RASSF6: variants seen among roughly 807,000 people sequenced by gnomAD.
RASSF6 encodes ras association domain-containing protein 6.
RASSF6 carries 52 observed loss-of-function variants against 44.0 expected under a neutral mutation model. That is an observed-to-expected ratio of 1.18 (90% CI 0.95 to 1.49). The LOEUF (loss-of-function observed/expected upper bound fraction) is 1.49. RASSF6 is among the 40% of genes most tolerant of loss of function. RASSF6 has a pLI of 0.00. For synonymous variants in RASSF6, 162 were observed against 124.6 expected (o/e 1.30, Z -2.00); for missense variants, 464 against 393.3 (o/e 1.18, Z -1.52).
chr4:73,585,465 T>C, intron 5 of RASSF6, 101 bp from the exon 6 acceptor site: 2 of 760,024 alleles, frequency 2.6e-6, no homozygotes, highest in South Asian at 3.6e-5. Flanking sequence ...AATATTGCTA[T>C]TTTCTGGCTG....
intron 5 of RASSF6, among the ~76,000 whole-genome samples, chr4:73,587,597 CATAAT>C (rs1348523850): frequency 1.3e-5 from 2 of 151,886 alleles, no homozygotes; most frequent in African/African-American, 4.8e-5. Flanking sequence ...ATCTAAGTGA[CATAAT>C]ATAATTTTTT....
rs1287901215 is a variant in RASSF6, at chr4:73,593,452, C to T, written c.286G>A (p.Gly96Arg). ...TTAAAAACATGAAAGATAGCTTACCCTTTGCTGGAGAAGACGTCTGATGAC... is the reference window on the plus strand; with the variant it reads ...TTAAAAACATGAAAGATAGCTTACCTTTTGCTGGAGAAGACGTCTGATGAC... The part of the protein sequence containing the change: ...MKSSDVFSSK[G>R]MTRWGEFDDL... The change falls in exon 4 of 11, where the codon GGA becomes AGA. Residue 96 changes from glycine to arginine, a missense_variant and splice_region_variant. Gly to Arg is a moderately radical substitution (Grantham distance 125, BLOSUM62 -2). Coordinates refer to ENST00000307439, the MANE Select transcript of RASSF6 (RefSeq NM_177532.5). 6.3e-7 allele frequency: 1 copy of T among 1,599,996 alleles called. No homozygotes were observed. The highest frequency in any genetic ancestry group is 1.3e-5 in the African/African-American group (1 of 74,118).
chr4:73,611,148 A>T (rs1330721226), intron 2 of RASSF6, among the ~76,000 whole-genome samples: 2 of 151,830 alleles, frequency 1.3e-5, no homozygotes, highest in Non-Finnish European at 2.9e-5. Flanking sequence ...TTATTTTTTC[A>T]TGATTTCATC....
chr4:73,577,327 A>G (rs1284197200), intron 8 of RASSF6, among the ~76,000 whole-genome samples: 1 of 152,188 alleles, frequency 6.6e-6, no homozygotes, highest in African/African-American at 2.4e-5. Context: ...CAGAACTTCA[A>G]ATTTCCAAAA....
At chr4:73,591,222 C>T (rs1380635192) in intron 4 of RASSF6, among the ~76,000 whole-genome samples, 6 of 152,178 alleles carry the variant, frequency 3.9e-5, no homozygotes, top group African/African-American at 1.4e-4. Context: ...CTGCAATGTA[C>T]ATATGCATAA....
chr4:73,598,585 T>C lies in RASSF6; in HGVS notation c.144+55A>G, dbSNP rs1247653. The C allele has an allele frequency of 6.2e-3, 5,071 of 824,142 alleles. 213 individuals carry two copies. In the African/African-American group the frequency reaches 0.079, roughly 13 times the overall value. 51.1% of individuals were successfully genotyped at this position (824,142 alleles called of 1,614,324 possible). ...TTCCAGAATTGTGTGTGTGTGTGTG[T>C]GCACGCATGTGTGTGTGTGAATAAC... On this transcript the variant is annotated intron_variant, in intron 3 of 10. Coordinates refer to ENST00000307439, the MANE Select transcript of RASSF6 (RefSeq NM_177532.5).
At chr4:73,613,997 C>T (rs554425947) in intron 1 of RASSF6, among the ~76,000 whole-genome samples, 2 of 152,342 alleles carry the variant, frequency 1.3e-5, no homozygotes, top group East Asian at 3.9e-4. Flanking sequence ...TACCAGGCAT[C>T]TCGATATCTA....
At chr4:73,607,302 C>G (rs1257545941) in intron 2 of RASSF6, among the ~76,000 whole-genome samples, 1 of 152,166 alleles carries the variant, frequency 6.6e-6, no homozygotes, top group Non-Finnish European at 1.5e-5. Flanking sequence ...TCTTCAGCCT[C>G]CTTTCAAGAG....
rs573054883 is a variant in RASSF6, at chr4:73,572,096, A to G, written c.*4139T>C. 1 of 152,290 alleles carries G rather than the reference A, an allele frequency of 6.6e-6. No homozygotes were observed. Among genetic ancestry groups the G allele is most frequent in the East Asian group, 1.9e-4 (1 of 5,184 alleles). 9.4% of individuals were successfully genotyped at this position (152,290 alleles called of 1,614,324 possible). A position where few individuals can be genotyped will look rare whatever the true frequency, so the allele number is the denominator to read the frequency against. On this transcript the variant is annotated 3_prime_UTR_variant, in exon 11 of 11. Transcript: ENST00000307439. ...AAGGTCTCTCATGAAATTACGGTCA[A>G]GCTATTAGACAGGGCTGCAGTCATC...
intron 2 of RASSF6, among the ~76,000 whole-genome samples, chr4:73,605,584 G>C (rs981447690): frequency 8.5e-5 from 13 of 152,216 alleles, no homozygotes; most frequent in Admixed American, 7.8e-4. Context: ...TAGGAAAGTA[G>C]GTTATTCGCA....
chr4:73,581,897 A>T (rs368956676), intron 7 of RASSF6, 29 bp from the exon 8 acceptor site: 11 of 1,560,754 alleles, frequency 7.0e-6, no homozygotes, highest in Non-Finnish European at 9.7e-6. Flanking sequence ...AACAAATATA[A>T]ATTCTTTGTT....
chr4:73,619,114 T>C (rs565233957), intron 1 of RASSF6, among the ~76,000 whole-genome samples: 40 of 152,318 alleles, frequency 2.6e-4, no homozygotes, highest in African/African-American at 7.5e-4. Flanking sequence ...ATGGTCTAAA[T>C]TGATGAAAGT....
Position 73,576,697 on chromosome 4 carries a change from T to G in RASSF6, c.756A>C (p.Leu252=). Residue 252 remains leucine, a synonymous_variant, in exon 9 of 11, where the codon CTA becomes CTC. Transcript: ENST00000307439. Reference sequence around the variant, plus strand: ...AAGGTCCCTGTAGGAGCCTCTGCAGTAGCGGAATGTCTGTCTTCTTTAGTC... The same window carrying G: ...AAGGTCCCTGTAGGAGCCTCTGCAGGAGCGGAATGTCTGTCTTCTTTAGTC... ...QRRLKKTDIP[L]LQRLLQGPSE... The G allele has an allele frequency of 6.2e-7, 1 of 1,612,706 alleles. No individual in the cohort carries two copies. Among genetic ancestry groups the G allele is most frequent in the Non-Finnish European group, 8.5e-7 (1 of 1,179,030 alleles).
Position 73,576,211 on chromosome 4 carries a change from T to A in RASSF6, c.*24A>T. ...TAATATCTCTGAGTTTTTTGAAATG[T>A]TTTAGCAATAGAAGCTTGTACTGCT... On this transcript the variant is annotated 3_prime_UTR_variant, in exon 11 of 11. Coordinates refer to ENST00000307439, the MANE Select transcript of RASSF6 (RefSeq NM_177532.5). 7.4e-7 allele frequency: 1 copy of A among 1,358,042 alleles called. No homozygotes were observed. The highest frequency in any genetic ancestry group is 1.0e-6 in the Non-Finnish European group (1 of 969,512). The allele number at this position is 1,358,042 out of a possible 1,614,324, so 84.1% of individuals were successfully genotyped here.
chr4:73,585,939 C>T (rs920055217), intron 5 of RASSF6, among the ~76,000 whole-genome samples: 8 of 147,586 alleles, frequency 5.4e-5, no homozygotes, highest in Admixed American at 2.0e-4. Flanking sequence ...CCCATTAACT[C>T]GTCATTTAGC....
intron 8 of RASSF6, among the ~76,000 whole-genome samples, chr4:73,578,472 G>A (rs1578015500): frequency 6.6e-6 from 1 of 151,984 alleles, no homozygotes; most frequent in Non-Finnish European, 1.5e-5. Context: ...TGGAACAAAC[G>A]AGAAAAGTAT....
chr4:73,583,486 T>C (rs180990517), intron 6 of RASSF6, among the ~76,000 whole-genome samples: 18 of 152,270 alleles, frequency 1.2e-4, no homozygotes, highest in Admixed American at 7.9e-4. Context: ...AATATGTGTG[T>C]TATTCATAGC....
intron 2 of RASSF6, among the ~76,000 whole-genome samples, chr4:73,607,173 C>A (rs180905521): frequency 8.4e-4 from 128 of 152,352 alleles, no homozygotes; most frequent in Non-Finnish European, 1.4e-3. Flanking sequence ...TGTATCTAAT[C>A]ATATCATCTG....
chr4:73,617,734 T>G (rs752189560), intron 1 of RASSF6, among the ~76,000 whole-genome samples: 4 of 152,234 alleles, frequency 2.6e-5, no homozygotes, highest in African/African-American at 4.8e-5. Context: ...GATTATGTTA[T>G]GAAAGTGATG....
Sources: allele counts gnomAD v4.1 joint callset (sites outside exome capture counted in the v4.1 genomes callset), GRCh38; gene constraint gnomAD v4.1.1; transcripts MANE v1.5; gene names NCBI Gene and HGNC (gene_info 2026-07-23, HGNC 2026-07-21).